TMTC1: variants seen among roughly 807,000 people sequenced by gnomAD.
TMTC1 encodes the protein protein O-mannosyl-transferase TMTC1.
In TMTC1, 73 loss-of-function variants were observed where a neutral mutation model predicts 104.8. The observed-to-expected ratio is 0.70, with a 90% CI of 0.58 to 0.85. TMTC1 has a LOEUF of 0.85. Ranked by LOEUF, TMTC1 falls within the 40% of genes least tolerant of loss-of-function variation. TMTC1 has a pLI of 0.00. For missense variants in TMTC1, 1,035 were observed against 1,096.1 expected, an observed-to-expected ratio of 0.94 and a Z score of 0.79; for synonymous variants, 434 against 428.7, an observed-to-expected ratio of 1.01 and a Z score of -0.15.
intron 5 of TMTC1, among the ~76,000 whole-genome samples, chr12:29,644,131 GTGTGTGTGTGTGTGTGTGTATA>G (rs1370787712): frequency 1.0e-5 from 1 of 99,502 alleles, no homozygotes; most frequent in African/African-American, 4.1e-5. Context: ...GTGTGTGTGT[GTGTGTGTGTGTGTGTGTGTATA>G]TATATATATA....
At chr12:29,577,700 T>C (rs778969954) in intron 8 of TMTC1, among the ~76,000 whole-genome samples, 1 of 152,140 alleles carries the variant, frequency 6.6e-6, no homozygotes, top group South Asian at 2.1e-4. Flanking sequence ...CCTGTATAGA[T>C]TGTGGATAGT....
At chr12:29,543,130 G>A (rs751052268) in intron 10 of TMTC1, among the ~76,000 whole-genome samples, 1 of 152,106 alleles carries the variant, frequency 6.6e-6, no homozygotes, top group Non-Finnish European at 1.5e-5. Context: ...TAGAATGTAC[G>A]AATTTTGCCA....
intron 1 of TMTC1, among the ~76,000 whole-genome samples, chr12:29,781,084 A>G (rs1334789629): frequency 6.8e-6 from 1 of 146,786 alleles, no homozygotes; most frequent in Non-Finnish European, 1.5e-5. Flanking sequence ...GTAGAGTTGT[A>G]TGGTTCTAAA....
At chr12:29,768,720 T>C (rs1019284793) in intron 1 of TMTC1, among the ~76,000 whole-genome samples, 6 of 152,142 alleles carry the variant, frequency 3.9e-5, no homozygotes, top group Admixed American at 3.9e-4. Context: ...GTATTAAATG[T>C]TTTTAACATA....
chr12:29,625,690 T>C (rs1438044275), intron 6 of TMTC1, among the ~76,000 whole-genome samples: 1 of 152,226 alleles, frequency 6.6e-6, no homozygotes, highest in African/African-American at 2.4e-5. Context: ...TCATTCATCA[T>C]GTTATCAAAG....
chr12:29,653,998 T>C (rs765479516), intron 5 of TMTC1, among the ~76,000 whole-genome samples: 2 of 152,216 alleles, frequency 1.3e-5, no homozygotes, highest in Non-Finnish European at 2.9e-5. Context: ...GAGAAAAAGA[T>C]ACTTGACCAA....
chr12:29,642,964 C>A (rs1418857994), intron 5 of TMTC1, among the ~76,000 whole-genome samples: 4 of 148,574 alleles, frequency 2.7e-5, no homozygotes, highest in South Asian at 4.2e-4. Flanking sequence ...AACAAAAAAA[C>A]CCATCAAAAA....
At chr12:29,714,306 G>A (rs952025167) in intron 5 of TMTC1, among the ~76,000 whole-genome samples, 1 of 152,202 alleles carries the variant, frequency 6.6e-6, no homozygotes, top group East Asian at 1.9e-4. Context: ...ATTGTTCTTT[G>A]ACGTGCAGCA....
intron 5 of TMTC1, among the ~76,000 whole-genome samples, chr12:29,742,324 C>T (rs1460252400): frequency 6.6e-6 from 1 of 152,052 alleles, no homozygotes; most frequent in Non-Finnish European, 1.5e-5. Context: ...AAAGTCTATA[C>T]TTATGTTTAT....
intron 5 of TMTC1, among the ~76,000 whole-genome samples, chr12:29,727,578 G>C (rs1005964545): frequency 6.6e-6 from 1 of 151,878 alleles, no homozygotes; most frequent in African/African-American, 2.4e-5. Flanking sequence ...GGTTTTCACT[G>C]TGTTAACCAG....
chr12:29,591,030 C>G (rs908063092), intron 7 of TMTC1, among the ~76,000 whole-genome samples: 2 of 152,110 alleles, frequency 1.3e-5, no homozygotes, highest in African/African-American at 4.8e-5. Context: ...CAGTCAGCAC[C>G]TGTATCAAAT....
intron 7 of TMTC1, among the ~76,000 whole-genome samples, chr12:29,601,306 T>C (rs1332723876): frequency 6.6e-6 from 1 of 152,220 alleles, no homozygotes; most frequent in Non-Finnish European, 1.5e-5. Flanking sequence ...TTCCGTAACA[T>C]TTACCTAAGG....
chr12:29,767,417 A>G (rs1449956546), intron 2 of TMTC1, among the ~76,000 whole-genome samples: 1 of 152,222 alleles, frequency 6.6e-6, no homozygotes, highest in African/African-American at 2.4e-5. Context: ...TGCGTAATAA[A>G]CATTATAAAA....
intron 7 of TMTC1, among the ~76,000 whole-genome samples, chr12:29,594,864 T>G (rs955689791): frequency 6.6e-6 from 1 of 152,322 alleles, no homozygotes; most frequent in East Asian, 1.9e-4. Context: ...ACTTTTGAGC[T>G]GCTCACTTTT....
In TMTC1 at chr12:29,622,649, C is replaced by T. The variant is rs1342982054; in HGVS notation, c.1128+10498G>A. 4.6e-5 allele frequency among the ~76,000 whole-genome samples: 7 copies of T among 152,204 alleles called. No individual in the cohort carries two copies. The East Asian group carries it at 1.3e-3, about 29-fold the overall frequency. The stretch of plus-strand genomic sequence containing the variant: ...TGCATTCCCACAGAGTGATTACCCT[C>T]ATCACAAAGGGTCAGAGCACATTAG... On this transcript the variant is annotated intron_variant, in intron 6 of 17. Coordinates refer to ENST00000539277, the MANE Select transcript of TMTC1 (RefSeq NM_001193451.2).
intron 10 of TMTC1, among the ~76,000 whole-genome samples, chr12:29,548,051 C>T (rs544284534): frequency 6.6e-6 from 1 of 152,224 alleles, no homozygotes; most frequent in East Asian, 1.9e-4. Flanking sequence ...TTCTTCTTGC[C>T]AATTTGATCA....
intron 6 of TMTC1, among the ~76,000 whole-genome samples, chr12:29,607,050 G>T (rs975655115): frequency 2.6e-5 from 4 of 152,076 alleles, no homozygotes; most frequent in African/African-American, 7.2e-5. Flanking sequence ...ATGCGGAGAT[G>T]GGGGGAGAGT....
At chr12:29,547,908 C>T (rs1044876595) in intron 10 of TMTC1, among the ~76,000 whole-genome samples, 4 of 152,158 alleles carry the variant, frequency 2.6e-5, no homozygotes, top group African/African-American at 9.7e-5. Context: ...TAAAGAGCTT[C>T]AAAATCAGAA....
chr12:29,639,485 C>T (rs1163878907), intron 5 of TMTC1, among the ~76,000 whole-genome samples: 1 of 152,244 alleles, frequency 6.6e-6, no homozygotes, highest in East Asian at 1.9e-4. Flanking sequence ...AATAAAATAT[C>T]ATGTCAAATG....
Sources: gnomAD v4.1 joint callset for allele counts (sites outside exome capture counted in the v4.1 genomes callset) on GRCh38, gnomAD v4.1.1 for gene constraint, MANE v1.5 for transcripts, NCBI Gene and HGNC (gene_info 2026-07-23, HGNC 2026-07-21) for gene names.